CTNNA3: variants seen among roughly 807,000 people sequenced by gnomAD.
CTNNA3 encodes catenin alpha-3.
Under a neutral mutation model 95.7 loss-of-function variants are expected in CTNNA3, and 76 were observed. The ratio of observed to expected loss-of-function variants is 0.79; its 90% CI spans 0.66 to 0.96. The LOEUF (loss-of-function observed/expected upper bound fraction) is 0.96. CTNNA3 is among the 40% of genes least tolerant of loss of function. CTNNA3 has a pLI of 0.00. For synonymous variants in CTNNA3, 431 were observed against 374.4 expected (o/e 1.15, Z -1.74); for missense variants, 1,191 against 1,089.8 (o/e 1.09, Z -1.31).
intron 5 of CTNNA3, among the ~76,000 whole-genome samples, chr10:67,284,604 TA>T (rs896598170): frequency 5.9e-5 from 9 of 152,194 alleles, no homozygotes; most frequent in Admixed American, 2.0e-4. Context: ...AAAGTCTAAT[TA>T]AAAAGGTATT....
chr10:66,189,618 A>ATATATATATATG (rs199807873), intron 13 of CTNNA3, among the ~76,000 whole-genome samples: 134 of 58,478 alleles, frequency 2.3e-3, no homozygotes, highest in African/African-American at 5.9e-3. Context: ...ATATATATAT[A>ATATATATATATG]CACACATACA....
At chr10:67,183,351 A>G (rs1038897239) in intron 6 of CTNNA3, among the ~76,000 whole-genome samples, 1 of 152,220 alleles carries the variant, frequency 6.6e-6, no homozygotes, top group Non-Finnish European at 1.5e-5. Flanking sequence ...ATGGAATACT[A>G]TGCAGCCATA....
chr10:67,763,198 A>C (rs1841471562), intron 1 of CTNNA3, among the ~76,000 whole-genome samples: 1 of 152,146 alleles, frequency 6.6e-6, no homozygotes, highest in Non-Finnish European at 1.5e-5. Flanking sequence ...CATGCCTGGC[A>C]ATGTCGGGAA....
chr10:65,957,527 C>T (rs1405357568), intron 17 of CTNNA3, among the ~76,000 whole-genome samples: 2 of 152,140 alleles, frequency 1.3e-5, no homozygotes, highest in Non-Finnish European at 2.9e-5. Flanking sequence ...GTGGCTGGTA[C>T]CGGTTGTTCC....
At position 66,805,751 on chromosome 10, in the gene CTNNA3, C is replaced by T. The variant is rs187464675; in HGVS notation, c.1048-30227G>A. 7.2e-4 allele frequency among the ~76,000 whole-genome samples: 110 copies of T among 152,056 alleles called. No homozygotes were observed. In the East Asian group the frequency reaches 0.02, roughly 28 times the overall value. On this transcript the variant is annotated intron_variant, in intron 7 of 17. Coordinates refer to ENST00000433211, the MANE Select transcript of CTNNA3 (RefSeq NM_013266.4). ...TAAAGAGTTGGTTCCTTTAAATAGT[C>T]ATCATCCTCAGCAGGAGATAATGTT... is the stretch of plus-strand genomic sequence containing the variant.
chr10:67,688,657 G>T (rs927817775), intron 1 of CTNNA3, among the ~76,000 whole-genome samples: 1 of 152,098 alleles, frequency 6.6e-6, no homozygotes, highest in African/African-American at 2.4e-5. Flanking sequence ...GGTCAAATTG[G>T]TCCCAATGGC....
chr10:66,824,162 G>T (rs1842409810), intron 7 of CTNNA3, among the ~76,000 whole-genome samples: 1 of 151,818 alleles, frequency 6.6e-6, no homozygotes, highest in African/African-American at 2.4e-5. Flanking sequence ...AACTTTAGGT[G>T]TTTCAATTCA....
chr10:66,354,233 T>G (rs1564890983), intron 12 of CTNNA3, among the ~76,000 whole-genome samples: 1 of 150,810 alleles, frequency 6.6e-6, no homozygotes, highest in Non-Finnish European at 1.5e-5. Flanking sequence ...TGCAGTGAGC[T>G]GAGATGGCAC....
chr10:65,963,468 G>A (rs956119398), intron 17 of CTNNA3, among the ~76,000 whole-genome samples: 2 of 152,060 alleles, frequency 1.3e-5, no homozygotes. Context: ...ACAGGTTTGC[G>A]CCACTTATGA....
chr10:66,399,466 G>A (rs1222331434), intron 11 of CTNNA3, among the ~76,000 whole-genome samples: 5 of 151,940 alleles, frequency 3.3e-5, no homozygotes, highest in Non-Finnish European at 4.4e-5. Flanking sequence ...AAGTAAATGC[G>A]TGCATATGGC....
chr10:66,122,144 T>G (rs2082611931), intron 13 of CTNNA3, among the ~76,000 whole-genome samples: 1 of 151,758 alleles, frequency 6.6e-6, no homozygotes, highest in African/African-American at 2.4e-5. Flanking sequence ...AATAGAGAGA[T>G]GAAAACTCTA....
At chr10:66,225,433 T>C (rs2089233816) in intron 13 of CTNNA3, among the ~76,000 whole-genome samples, 2 of 136,132 alleles carry the variant, frequency 1.5e-5, no homozygotes, top group African/African-American at 5.8e-5. Context: ...GAATGAATAG[T>C]ATTCCATCGT....
chr10:66,567,605 C>T (rs1037442361), intron 10 of CTNNA3, among the ~76,000 whole-genome samples: 1 of 151,962 alleles, frequency 6.6e-6, no homozygotes, highest in Non-Finnish European at 1.5e-5. Flanking sequence ...CGTGACAGAG[C>T]AAGTCTCTGT....
intron 10 of CTNNA3, among the ~76,000 whole-genome samples, chr10:66,527,238 G>GGGTTTATT (rs1303578292): frequency 2.0e-5 from 3 of 152,080 alleles, no homozygotes; most frequent in Non-Finnish European, 4.4e-5. Flanking sequence ...GTAAATGCAA[G>GGGTTTATT]GGTTTATTTC....
intron 9 of CTNNA3, among the ~76,000 whole-genome samples, chr10:66,671,953 A>G (rs1362920922): frequency 6.6e-6 from 1 of 152,188 alleles, no homozygotes; most frequent in African/African-American, 2.4e-5. Flanking sequence ...AATGCTGGTT[A>G]TTATTCTTGA....
chr10:66,035,415 T>C (rs1326611153), intron 15 of CTNNA3, among the ~76,000 whole-genome samples: 1 of 152,068 alleles, frequency 6.6e-6, no homozygotes, highest in Non-Finnish European at 1.5e-5. Flanking sequence ...AACAGTATTA[T>C]GGTAGAAGCA....
chr10:66,779,508 C>A (rs1235666841), intron 7 of CTNNA3, among the ~76,000 whole-genome samples: 2 of 151,480 alleles, frequency 1.3e-5, no homozygotes, highest in Non-Finnish European at 2.9e-5. Flanking sequence ...AGGTGCCTAC[C>A]ACCATGCCTG....
chr10:66,461,888 C>A (rs1310086344), intron 11 of CTNNA3, among the ~76,000 whole-genome samples: 1 of 150,368 alleles, frequency 6.7e-6, no homozygotes, highest in Non-Finnish European at 1.5e-5. Flanking sequence ...TCTTGGCTCA[C>A]TGCAACCTCC....
intron 2 of CTNNA3, among the ~76,000 whole-genome samples, chr10:67,614,225 G>T (rs577633150): frequency 1.3e-5 from 2 of 152,282 alleles, no homozygotes; most frequent in African/African-American, 4.8e-5. Context: ...GCACTGATTG[G>T]TGCATTTTAC....
Sources: gnomAD v4.1 joint callset for allele counts (sites outside exome capture counted in the v4.1 genomes callset) on GRCh38, gnomAD v4.1.1 for gene constraint, MANE v1.5 for transcripts, NCBI Gene and HGNC (gene_info 2026-07-23, HGNC 2026-07-21) for gene names.